MTG2: variants seen among roughly 807,000 people sequenced by gnomAD.
The protein encoded by MTG2 is mitochondrial ribosome-associated GTPase 2.
In MTG2, 23 loss-of-function variants were observed where a neutral mutation model predicts 28.6. That is an observed-to-expected ratio of 0.80 (90% CI 0.58 to 1.14). The LOEUF (loss-of-function observed/expected upper bound fraction) is 1.14. Ranked by LOEUF, MTG2 falls within the 50% of genes most tolerant of loss-of-function variation. The pLI is 0.00. For missense variants in MTG2, 539 were observed against 552.0 expected, an observed-to-expected ratio of 0.98 and a Z score of 0.24; for synonymous variants, 260 against 251.8, an observed-to-expected ratio of 1.03 and a Z score of -0.31.
intron 1 of MTG2, among the ~76,000 whole-genome samples, chr20:62,186,517 C>CTTT (rs573270385): frequency 1.3e-4 from 16 of 127,506 alleles, no homozygotes; most frequent in South Asian, 8.5e-4. Flanking sequence ...TTCCCTGGGA[C>CTTT]TTTTTTTTTT....
intron 6 of MTG2, chr20:62,199,968 G>A (rs1362887860): frequency 2.0e-5 from 3 of 152,082 alleles, no homozygotes; most frequent in African/African-American, 7.2e-5. Context: ...GTCTCCCAAA[G>A]TGTTGGGATT....
intron 6 of MTG2, 113 bp downstream of exon 6, chr20:62,199,370 G>T: frequency 7.3e-7 from 1 of 1,372,218 alleles, no homozygotes; most frequent in African/African-American, 1.4e-5. Context: ...TGTTGGCCAG[G>T]CGTGGTGGCT....
chr20:62,193,343 C>A, intron 1 of MTG2, 73 bp from the exon 2 acceptor site: 1 of 1,393,528 alleles, frequency 7.2e-7, no homozygotes, highest in South Asian at 1.2e-5. Flanking sequence ...CTGCATGAGG[C>A]CCTCGTCTTC....
chr20:62,198,777 G>A lies in MTG2; in HGVS notation c.612G>A (p.Val204=). The A allele has an allele frequency of 6.2e-7, 1 of 1,614,146 alleles. No homozygotes were observed. Among genetic ancestry groups the A allele is most frequent in the Non-Finnish European group, 8.5e-7 (1 of 1,180,054 alleles). The change falls in exon 5 of 7, where the codon GTG becomes GTA. Residue 204 remains valine, a synonymous_variant. Transcript: ENST00000370823. ...TGGCCAACAACAACCGTGCCCCTGT[G>A]ACCTGTACCCCTGGACAGCCAGGAC... ...FFLANNNRAP[V]TCTPGQPGQQ... is the part of the protein sequence containing the mutation.
At chr20:62,183,339 C>T (rs1468927801) in intron 1 of MTG2, among the ~76,000 whole-genome samples, 1 of 152,236 alleles carries the variant, frequency 6.6e-6, no homozygotes, top group East Asian at 1.9e-4. Flanking sequence ...GGTCAGAAGT[C>T]TTGTCAGCCA....
At chr20:62,184,370 A>C (rs371209754) in intron 1 of MTG2, among the ~76,000 whole-genome samples, 3,883 of 80,320 alleles carry the variant, frequency 0.048, 71 homozygotes, top group Non-Finnish European at 0.07. Flanking sequence ...AAACATACCC[A>C]AAAAAAAAAA....
intron 1 of MTG2, among the ~76,000 whole-genome samples, chr20:62,183,702 T>C (rs532994267): frequency 6.6e-6 from 1 of 152,302 alleles, no homozygotes; most frequent in Admixed American, 6.5e-5. Flanking sequence ...AGAGGGGTTG[T>C]TGGGCAGTGT....
At chr20:62,191,041 T>TA (rs1319753722) in intron 1 of MTG2, among the ~76,000 whole-genome samples, 1 of 151,968 alleles carries the variant, frequency 6.6e-6, no homozygotes, top group Admixed American at 6.6e-5. Flanking sequence ...ATAAATATCT[T>TA]AAAGTGCATG....
At chr20:62,185,813 C>T (rs1485609344) in intron 1 of MTG2, among the ~76,000 whole-genome samples, 1 of 152,128 alleles carries the variant, frequency 6.6e-6, no homozygotes. Context: ...CTGTGCTGGA[C>T]AGGTCAAGGA....
rs761463431 is a variant in MTG2, at chr20:62,200,951, G to C, written c.1095G>C (p.Gln365His). Residue 365 changes from glutamine (Q) to histidine (H), a missense_variant, in exon 7 of 7, where the codon CAG (glutamine) becomes CAC (histidine). Physicochemically the swap from Gln to His is conservative, Grantham distance 24. Coordinates refer to ENST00000370823, the MANE Select transcript of MTG2 (RefSeq NM_015666.4). ...NLSQLRDHLG[Q>H]EVIVLSALTG... Reference sequence around the variant, plus strand: ...CCCAGCTCCGGGATCACTTGGGACAGGAGGTCATCGTGCTGTCGGCGTTGA... The same window carrying C: ...CCCAGCTCCGGGATCACTTGGGACACGAGGTCATCGTGCTGTCGGCGTTGA... 6.2e-7 allele frequency: 1 copy of C among 1,614,036 alleles called. No homozygotes were observed. The highest frequency in any genetic ancestry group is 8.5e-7 in the Non-Finnish European group (1 of 1,180,036).
At chr20:62,186,686 G>A (rs1255443676) in intron 1 of MTG2, among the ~76,000 whole-genome samples, 1 of 151,946 alleles carries the variant, frequency 6.6e-6, no homozygotes, top group Non-Finnish European at 1.5e-5. Flanking sequence ...GTGCCACCAC[G>A]CCTGGCTAAT....
intron 5 of MTG2, 68 bp downstream of exon 5, chr20:62,198,920 G>T: frequency 1.3e-6 from 2 of 1,594,960 alleles, no homozygotes; most frequent in Non-Finnish European, 8.6e-7. Flanking sequence ...TTCTCAATGG[G>T]GATTTGCCAG....
At chr20:62,198,380 C>T (rs188456432) in intron 4 of MTG2, 15 of 574,304 alleles carry the variant, frequency 2.6e-5, no homozygotes, top group Admixed American at 1.5e-4. Context: ...TTCACACTAA[C>T]GTTTTAGAAA....
At chr20:62,197,094 CACCCAAAA>C (rs2058073118) in intron 3 of MTG2, 1 of 142,296 alleles carries the variant, frequency 7.0e-6, no homozygotes, top group African/African-American at 2.5e-5. Flanking sequence ...TTAAGTAGCA[CACCCAAAA>C]AAGCAACTTT....
In MTG2 at chr20:62,203,029, C is replaced by A. The variant is rs1339561588; in HGVS notation, c.*1952C>A. 1 of 152,242 alleles carries A rather than the reference C, an allele frequency of 6.6e-6. No individual in the cohort carries two copies. Among genetic ancestry groups the A allele is most frequent in the Non-Finnish European group, 1.5e-5 (1 of 68,050 alleles). 9.4% of individuals were successfully genotyped at this position (152,242 alleles called of 1,614,324 possible). A position where few individuals can be genotyped will look rare whatever the true frequency, so the allele number is the denominator to read the frequency against. ...TTTAATGTCTTATAATTTCAAAGGT[C>A]CTTCTATCCTAGAAACCAGAGATGG... On this transcript the variant is annotated 3_prime_UTR_variant, in exon 7 of 7. Coordinates refer to ENST00000370823, the MANE Select transcript of MTG2 (RefSeq NM_015666.4).
intron 1 of MTG2, among the ~76,000 whole-genome samples, chr20:62,187,992 A>G (rs1227408040): frequency 3.9e-5 from 6 of 152,012 alleles, no homozygotes; most frequent in Admixed American, 2.6e-4. Context: ...CTGGTATTTC[A>G]TGGTGGCGGG....
chr20:62,186,528 G>GTTTTTTTTTTTTTT (rs56818308), intron 1 of MTG2, among the ~76,000 whole-genome samples: 3 of 127,044 alleles, frequency 2.4e-5, no homozygotes, highest in Non-Finnish European at 3.3e-5. Context: ...TTTTTTTTTT[G>GTTTTTTTTTTTTTT]TTTTTTTTTT....
At position 62,189,991 on chromosome 20, in the gene MTG2, A is replaced by G. The variant is rs138902607; in HGVS notation, c.-5-3425A>G. On this transcript the variant is annotated intron_variant, in intron 1 of 6. Transcript: ENST00000370823. ...ATTAACATTTAATGAAATTATTTATATGGTTAGATTTAGGTGCACTTTTAT... is the reference window on the plus strand; with the variant it reads ...ATTAACATTTAATGAAATTATTTATGTGGTTAGATTTAGGTGCACTTTTAT... Among the ~76,000 whole-genome samples the G allele has an allele frequency of 2.8e-3, 422 of 152,302 alleles. 2 individuals carry two copies. The highest frequency in any genetic ancestry group is 9.6e-3 in the African/African-American group (397 of 41,560).
chr20:62,185,635 T>C (rs138825053), intron 1 of MTG2, among the ~76,000 whole-genome samples: 1 of 152,018 alleles, frequency 6.6e-6, no homozygotes, highest in Non-Finnish European at 1.5e-5. Context: ...AGTGAGACTC[T>C]TGTCTCAAAA....
Sources: gnomAD v4.1 joint callset for allele counts (sites outside exome capture counted in the v4.1 genomes callset) on GRCh38, gnomAD v4.1.1 for gene constraint, MANE v1.5 for transcripts, NCBI Gene and HGNC (gene_info 2026-07-23, HGNC 2026-07-21) for gene names.